Variants in MXI1 observed in about 807,000 individuals in gnomAD.
The protein encoded by MXI1 is max-interacting protein 1.
A neutral mutation model predicts 36.9 loss-of-function variants in MXI1; 18 were observed. The ratio of observed to expected loss-of-function variants is 0.49; its 90% confidence interval spans 0.34 to 0.72. The LOEUF is 0.72. Among genes scored for constraint, MXI1 ranks in the 30% least tolerant of loss-of-function variants. The probability of loss-of-function intolerance (pLI) is 0.01; values close to 1 mark genes in which losing one functional copy is unlikely to be tolerated. For missense variants in MXI1, 304 were observed against 379.1 expected, an observed-to-expected ratio of 0.80 and a Z score of 1.64; for synonymous variants, 160 against 146.7, an observed-to-expected ratio of 1.09 and a Z score of -0.65.
intron 2 of MXI1, among the ~76,000 whole-genome samples, chr10:110,239,810 A>G (rs1855604645): frequency 6.6e-6 from 1 of 152,170 alleles, no homozygotes; most frequent in Non-Finnish European, 1.5e-5. Flanking sequence ...ATACAAAAAA[A>G]GCATACAAAT....
At chr10:110,260,054 G>A (rs1856454465) in intron 3 of MXI1, among the ~76,000 whole-genome samples, 1 of 145,212 alleles carries the variant, frequency 6.9e-6, no homozygotes, top group African/African-American at 2.5e-5. Flanking sequence ...AATGGAGAAA[G>A]ATAGGTTTTA....
intron 2 of MXI1, among the ~76,000 whole-genome samples, chr10:110,240,412 TGTG>T (rs1564713344): frequency 6.6e-6 from 1 of 152,090 alleles, no homozygotes; most frequent in Admixed American, 6.6e-5. Flanking sequence ...GCTTAGTTAT[TGTG>T]GTGGTAATTG....
At chr10:110,219,429 A>C (rs775383692) in intron 1 of MXI1, among the ~76,000 whole-genome samples, 1 of 152,206 alleles carries the variant, frequency 6.6e-6, no homozygotes, top group Non-Finnish European at 1.5e-5. Context: ...CATGGCCTTC[A>C]TCATTGCCGT....
intron 1 of MXI1, among the ~76,000 whole-genome samples, chr10:110,212,600 G>A (rs915955811): frequency 6.6e-6 from 1 of 152,178 alleles, no homozygotes; most frequent in African/African-American, 2.4e-5. Flanking sequence ...TGAAACCTTT[G>A]CAGTCACATG....
chr10:110,246,658 A>G lies in MXI1; in HGVS notation c.437+1801A>G, dbSNP rs141985905. Among the ~76,000 whole-genome samples the G allele has an allele frequency of 5.2e-4, 79 of 152,300 alleles. 1 individual carries two copies. The East Asian group carries it at 6.8e-3, about 13-fold the overall frequency. ...AAGATACTGTTTTGTTCAATTTTGT[A>G]TCCTCAGTGCCTAGCATTTGAGGCA... On this transcript the variant is annotated intron_variant, in intron 3 of 5. Coordinates refer to ENST00000332674, the MANE Select transcript of MXI1 (RefSeq NM_130439.3).
chr10:110,243,042 A>AT (rs1390718255), intron 2 of MXI1, among the ~76,000 whole-genome samples: 1 of 151,940 alleles, frequency 6.6e-6, no homozygotes, highest in Non-Finnish European at 1.5e-5. Context: ...TTTGAATTAT[A>AT]TTTTTTCTTC....
At chr10:110,210,442 C>G in intron 1 of MXI1, 1 of 298,888 alleles carries the variant, frequency 3.3e-6, no homozygotes, top group Non-Finnish European at 4.9e-6. Flanking sequence ...GCCAACGGCC[C>G]CCAGATTTCC....
At chr10:110,277,948 T>C (rs920349822) in intron 3 of MXI1, among the ~76,000 whole-genome samples, 1 of 152,222 alleles carries the variant, frequency 6.6e-6, no homozygotes, top group Admixed American at 6.5e-5. Context: ...AGAAAGCGCA[T>C]AGTTTGGTGT....
At chr10:110,271,408 T>C (rs1173807597) in intron 3 of MXI1, among the ~76,000 whole-genome samples, 3 of 152,196 alleles carry the variant, frequency 2.0e-5, no homozygotes, top group East Asian at 3.8e-4. Context: ...TTCTGTTTAT[T>C]TGAAAAACAG....
chr10:110,222,386 C>T (rs191004588), intron 1 of MXI1, among the ~76,000 whole-genome samples: 12 of 152,320 alleles, frequency 7.9e-5, no homozygotes, highest in African/African-American at 2.6e-4. Flanking sequence ...CCCTTCCTCT[C>T]TCCCCATCTC....
At chr10:110,226,274 CG>C in intron 1 of MXI1, 1 of 1,497,322 alleles carries the variant, frequency 6.7e-7, no homozygotes, top group East Asian at 2.7e-5. Flanking sequence ...TTTGGAGCGC[CG>C]GGAGCGAGGT....
chr10:110,223,342 G>C (rs1455170235), intron 1 of MXI1, among the ~76,000 whole-genome samples: 1 of 152,182 alleles, frequency 6.6e-6, no homozygotes, highest in Non-Finnish European at 1.5e-5. Context: ...GGGACACTTT[G>C]GGAGGCTGAG....
At chr10:110,250,136 A>G (rs1021245625) in intron 3 of MXI1, among the ~76,000 whole-genome samples, 1 of 152,142 alleles carries the variant, frequency 6.6e-6, no homozygotes, top group Non-Finnish European at 1.5e-5. Context: ...GGACTGATAG[A>G]GAAATTCAGA....
intron 3 of MXI1, among the ~76,000 whole-genome samples, chr10:110,264,486 C>T (rs111324494): frequency 6.6e-6 from 1 of 151,690 alleles, no homozygotes; most frequent in African/African-American, 2.4e-5. Flanking sequence ...TTGCCTCAGC[C>T]TCCCGAGTTG....
Position 110,207,781 on chromosome 10 carries a change from G to T in MXI1, c.-28G>T. The T allele has an allele frequency of 8.8e-7, 1 of 1,130,238 alleles. No individual in the cohort carries two copies. Among genetic ancestry groups the T allele is most frequent in the Non-Finnish European group, 1.1e-6 (1 of 920,406 alleles). The allele number at this position is 1,130,238 out of a possible 1,614,324, so 70.0% of individuals were successfully genotyped here. A position where few individuals can be genotyped will look rare whatever the true frequency, so the allele number is the denominator to read the frequency against. ...GCCGGGCCGCGCAGCCCCGTTAGAGGACGAGCTCGGCGGACCCCCGCTCCT... is the reference window on the plus strand; with the variant it reads ...GCCGGGCCGCGCAGCCCCGTTAGAGTACGAGCTCGGCGGACCCCCGCTCCT... On this transcript the variant is annotated 5_prime_UTR_variant, in exon 1 of 6. Coordinates refer to ENST00000332674, the MANE Select transcript of MXI1 (RefSeq NM_130439.3).
At chr10:110,247,876 C>T (rs1855930127) in intron 3 of MXI1, among the ~76,000 whole-genome samples, 1 of 152,130 alleles carries the variant, frequency 6.6e-6, no homozygotes, top group South Asian at 2.1e-4. Flanking sequence ...AATCATGCTG[C>T]TATAAAGACA....
intron 1 of MXI1, chr10:110,227,239 C>CG (rs199595198): frequency 1.6e-5 from 9 of 553,684 alleles, no homozygotes; most frequent in African/African-American, 9.5e-5. Context: ...GGATGGTGCG[C>CG]GGGGGGGAGG....
At chr10:110,246,684 T>C (rs1156573866) in intron 3 of MXI1, among the ~76,000 whole-genome samples, 1 of 152,188 alleles carries the variant, frequency 6.6e-6, no homozygotes, top group Non-Finnish European at 1.5e-5. Flanking sequence ...ATTTGAGGCA[T>C]GTATAGGAGA....
At chr10:110,270,506 A>T (rs1163492653) in intron 3 of MXI1, among the ~76,000 whole-genome samples, 3 of 147,054 alleles carry the variant, frequency 2.0e-5, no homozygotes, top group Non-Finnish European at 2.9e-5. Flanking sequence ...CAGGATAATT[A>T]AAAAAAATAG....
Sources: allele counts gnomAD v4.1 joint callset (sites outside exome capture counted in the v4.1 genomes callset), GRCh38; gene constraint gnomAD v4.1.1; transcripts MANE v1.5; gene names NCBI Gene and HGNC (gene_info 2026-07-23, HGNC 2026-07-21).